Variants in SNRPA1 observed in about 807,000 individuals in gnomAD.
SNRPA1 encodes the protein small nuclear ribonucleoprotein polypeptide A', also known as U2 small nuclear ribonucleoprotein A'.
A neutral mutation model predicts 32.3 loss-of-function variants in SNRPA1; 5 were observed. The ratio of observed to expected loss-of-function variants is 0.15; its 90% CI spans 0.08 to 0.33. The LOEUF (loss-of-function observed/expected upper bound fraction) is 0.33, where lower values mean the gene tolerates loss of function less well. Among genes scored for constraint, SNRPA1 ranks in the 10% least tolerant of loss-of-function variants. The pLI is 1.00. For synonymous variants in SNRPA1, 111 were observed against 120.1 expected, an observed-to-expected ratio of 0.92 and a Z score of 0.50; for missense variants, 198 against 311.1, an observed-to-expected ratio of 0.64 and a Z score of 2.74.
At chr15:101,289,485 A>G (rs1009804170) in intron 3 of SNRPA1, among the ~76,000 whole-genome samples, 1 of 152,222 alleles carries the variant, frequency 6.6e-6, no homozygotes, top group Admixed American at 6.5e-5. Context: ...ATCTACAATA[A>G]AGGAGAGAAA....
At chr15:101,283,165 C>A (rs1052264814) in intron 8 of SNRPA1, among the ~76,000 whole-genome samples, 1 of 152,210 alleles carries the variant, frequency 6.6e-6, no homozygotes, top group Non-Finnish European at 1.5e-5. Flanking sequence ...TGCCTTGACT[C>A]CTACTGAGGT....
At chr15:101,285,416 G>C (rs918312647) in intron 7 of SNRPA1, among the ~76,000 whole-genome samples, 1 of 152,194 alleles carries the variant, frequency 6.6e-6, no homozygotes, top group Non-Finnish European at 1.5e-5. Context: ...TTGCCAGACA[G>C]CAAATCTTCG....
chr15:101,284,796 C>A, intron 8 of SNRPA1, 171 bp downstream of exon 8: 1 of 558,430 alleles, frequency 1.8e-6, no homozygotes. Flanking sequence ...GCCACTGCAC[C>A]CAACCCATCA....
At chr15:101,287,781 G>T in intron 3 of SNRPA1, 79 bp from the exon 4 acceptor site, 2 of 1,291,332 alleles carry the variant, frequency 1.5e-6, no homozygotes, top group Non-Finnish European at 2.2e-6. Context: ...TGCTTTTGAA[G>T]CAAGTTGTCT....
chr15:101,294,659 T>A (rs1361227588), intron 1 of SNRPA1, among the ~76,000 whole-genome samples: 1 of 152,218 alleles, frequency 6.6e-6, no homozygotes, highest in African/African-American at 2.4e-5. Flanking sequence ...CTTAGTTTCC[T>A]CCCTCACATT....
At chr15:101,294,091 C>A (rs1023400241) in intron 1 of SNRPA1, among the ~76,000 whole-genome samples, 1 of 152,162 alleles carries the variant, frequency 6.6e-6, no homozygotes, top group African/African-American at 2.4e-5. Flanking sequence ...AAAAATTAGC[C>A]GGGCGTGGTG....
chr15:101,286,585 C>A, intron 5 of SNRPA1: 1 of 465,564 alleles, frequency 2.1e-6, no homozygotes. Flanking sequence ...TCCTAACACA[C>A]GGAGCTGCAC....
In SNRPA1 at chr15:101,284,912, G is replaced by C. The variant is rs769829817; in HGVS notation, c.709+55C>G. On this transcript the variant is annotated intron_variant, in intron 8 of 8. Transcript: ENST00000254193. ...AGTCATGGCATCTAAATGGTTGTGA[G>C]TTACACTCTGAGTGTAACATTAATT... 1.7e-5 allele frequency: 23 copies of C among 1,345,630 alleles called. 1 individual carries two copies. In the Middle Eastern group the frequency reaches 9.3e-4, roughly 55 times the overall value. 83.4% of individuals were successfully genotyped at this position (1,345,630 alleles called of 1,614,324 possible).
intron 2 of SNRPA1, 81 bp from the exon 3 acceptor site, chr15:101,292,121 CAG>C: frequency 2.1e-6 from 2 of 945,710 alleles, no homozygotes; most frequent in East Asian, 2.4e-5. Flanking sequence ...CAGAGGATCA[CAG>C]AGAGACACTT....
At chr15:101,286,350 T>C in intron 5 of SNRPA1, 57 bp from the exon 6 acceptor site, 2 of 1,499,188 alleles carry the variant, frequency 1.3e-6, no homozygotes, top group African/African-American at 1.4e-5. Context: ...TGCATTTAGA[T>C]GCATTCCTCA....
chr15:101,291,939 C>T (rs928387852), intron 3 of SNRPA1, 23 bp downstream of exon 3: 3 of 1,535,048 alleles, frequency 2.0e-6, no homozygotes, highest in Non-Finnish European at 2.7e-6. Context: ...CCACCAAATA[C>T]ATTTTCCTTC....
rs747432599 is a variant in SNRPA1, at chr15:101,285,756, C to T, written c.585G>A (p.Gly195=). The T allele has an allele frequency of 3.7e-6, 6 of 1,613,858 alleles. No individual in the cohort carries two copies. Among genetic ancestry groups the T allele is most frequent in the Non-Finnish European group, 5.1e-6 (6 of 1,179,776 alleles). ...AGLPTDKKKG[G]PSPGDVEAIK... ...TTGCTTCTACATCCCCTGGAGATGG[C>T]CCACCTTTCTTTTTGTCAGTTGGCA... Residue 195 remains glycine, a synonymous_variant, in exon 7 of 9, where the codon GGG becomes GGA. Transcript: ENST00000254193.
rs1334457024 is a variant in SNRPA1, at chr15:101,285,939, C to T, written c.540-138G>A. On this transcript the variant is annotated intron_variant, in intron 6 of 8. Transcript: ENST00000254193. ...AACAAACTGATACAAGAACTCTCTC[C>T]TTCAGAAACACCATCCAGTTCATCT... The T allele has an allele frequency of 1.0e-5, 7 of 670,288 alleles. No homozygotes were observed. The Admixed American group carries it at 1.1e-4, about 10-fold the overall frequency. The allele number at this position is 670,288 out of a possible 1,614,324, so 41.5% of individuals were successfully genotyped here.
At chr15:101,283,524 C>T (rs185655933) in intron 8 of SNRPA1, among the ~76,000 whole-genome samples, 1 of 152,230 alleles carries the variant, frequency 6.6e-6, no homozygotes, top group East Asian at 1.9e-4. Flanking sequence ...TGAGATTGCA[C>T]CACTGCCCTA....
Position 101,293,084 on chromosome 15 carries a change from C to G in SNRPA1, c.171G>C (p.Leu57=). The change falls in exon 2 of 9, where the codon CTG becomes CTC. Residue 57 remains leucine, a synonymous_variant. Transcript: ENST00000254193. ...IDFSDNEIRK[L]DGFPLLRRLK... ...GTCTTCTCAACAAAGGAAAACCATC[C>G]AGTTTCCTGATCTCATTGTCAGAAA... 1 of 1,612,276 alleles carries G rather than the reference C, an allele frequency of 6.2e-7. No homozygotes were observed. The highest frequency in any genetic ancestry group is 1.7e-4 in the Middle Eastern group (1 of 5,982).
intron 6 of SNRPA1, 198 bp from the exon 7 acceptor site, chr15:101,285,999 A>G: frequency 1.6e-6 from 1 of 630,856 alleles, no homozygotes; most frequent in Non-Finnish European, 2.8e-6. Context: ...ATGGTATCAC[A>G]TGAAGACTGA....
chr15:101,290,378 T>C (rs1384474045), intron 3 of SNRPA1, among the ~76,000 whole-genome samples: 9 of 152,296 alleles, frequency 5.9e-5, no homozygotes, highest in Non-Finnish European at 1.2e-4. Context: ...TATAAATATG[T>C]ATTTCGGGTT....
Position 101,295,193 on chromosome 15 carries a change from T to C in SNRPA1, c.-15A>G, listed in dbSNP as rs2039575364. 6.5e-7 allele frequency: 1 copy of C among 1,529,178 alleles called. No homozygotes were observed. Among genetic ancestry groups the C allele is most frequent in the Non-Finnish European group, 8.8e-7 (1 of 1,140,730 alleles). The allele number at this position is 1,529,178 out of a possible 1,614,324, so 94.7% of individuals were successfully genotyped here. Reference sequence around the variant, plus strand: ...AGCTTGACCATCCTGCAGCCTCCCGTTCCCCCGCGCTGTGGAAAGCCCGTG... The same window carrying C: ...AGCTTGACCATCCTGCAGCCTCCCGCTCCCCCGCGCTGTGGAAAGCCCGTG... On this transcript the variant is annotated 5_prime_UTR_variant, in exon 1 of 9. Coordinates refer to ENST00000254193, the MANE Select transcript of SNRPA1 (RefSeq NM_003090.4).
intron 5 of SNRPA1, 196 bp from the exon 6 acceptor site, chr15:101,286,489 C>T: frequency 1.9e-6 from 1 of 526,082 alleles, no homozygotes; most frequent in Non-Finnish European, 3.3e-6. Flanking sequence ...GTTCATTCTC[C>T]TAGCTCCAAG....
Sources: gnomAD v4.1 joint callset for allele counts (sites outside exome capture counted in the v4.1 genomes callset) on GRCh38, gnomAD v4.1.1 for gene constraint, MANE v1.5 for transcripts, NCBI Gene and HGNC (gene_info 2026-07-23, HGNC 2026-07-21) for gene names.